Variants in PLEKHA7 observed in about 807,000 individuals in gnomAD.
PLEKHA7 encodes the protein pleckstrin homology domain-containing family A member 7.
A neutral mutation model predicts 170.0 loss-of-function variants in PLEKHA7; 104 were observed. That is an observed-to-expected ratio of 0.61 (90% CI 0.52 to 0.72). The LOEUF is 0.72. Among genes scored for constraint, PLEKHA7 ranks in the 30% least tolerant of loss-of-function variants. The probability of loss-of-function intolerance (pLI) is 0.00; values close to 1 mark genes in which losing one functional copy is unlikely to be tolerated. For missense variants in PLEKHA7, 1,615 were observed against 1,671.7 expected, an observed-to-expected ratio of 0.97 and a Z score of 0.59; for synonymous variants, 648 against 660.8, an observed-to-expected ratio of 0.98 and a Z score of 0.30.
intron 3 of PLEKHA7, among the ~76,000 whole-genome samples, chr11:16,988,870 T>C (rs1282446722): frequency 6.6e-6 from 1 of 152,244 alleles, no homozygotes; most frequent in Non-Finnish European, 1.5e-5. Flanking sequence ...ATGAGACTCT[T>C]CTATGTGGCA....
At chr11:16,989,020 CA>C (rs1863888805) in intron 3 of PLEKHA7, among the ~76,000 whole-genome samples, 1 of 152,198 alleles carries the variant, frequency 6.6e-6, no homozygotes, top group South Asian at 2.1e-4. Context: ...AGAAGGACCC[CA>C]AATAGCCACA....
chr11:16,822,611 C>T (rs938914595), intron 10 of PLEKHA7, among the ~76,000 whole-genome samples: 5 of 151,998 alleles, frequency 3.3e-5, no homozygotes, highest in Non-Finnish European at 7.4e-5. Context: ...TGAAACTCTC[C>T]CCAACAAAAC....
chr11:16,783,749 C>T lies in PLEKHA7; in HGVS notation c.3601G>A (p.Ala1201Thr). Residue 1201 changes from alanine to threonine, a missense_variant, in exon 25 of 27, where the codon GCG becomes ACG. Transcript: ENST00000531066. ...EEPPSLEELQ[A>T]RYRKAEKIRN... The stretch of plus-strand genomic sequence containing the variant: ...ATCTTCTCGGCTTTGCGGTACCGCG[C>T]CTGCAGCTCCTCAAGGCTGGGTGGC... 1 of 1,508,402 alleles carries T rather than the reference C, an allele frequency of 6.6e-7. No homozygotes were observed. The highest frequency in any genetic ancestry group is 8.8e-7 in the Non-Finnish European group (1 of 1,133,564). The allele number at this position is 1,508,402 out of a possible 1,614,324, so 93.4% of individuals were successfully genotyped here.
intron 19 of PLEKHA7, 31 bp downstream of exon 19, chr11:16,794,457 T>C: frequency 6.4e-7 from 1 of 1,573,652 alleles, no homozygotes; most frequent in East Asian, 2.2e-5. Context: ...GAGGAAACAA[T>C]GGCATTCAGC....
At chr11:16,898,860 T>C (rs1476075220) in intron 3 of PLEKHA7, among the ~76,000 whole-genome samples, 1 of 152,186 alleles carries the variant, frequency 6.6e-6, no homozygotes, top group East Asian at 1.9e-4. Flanking sequence ...TCCAAACCTA[T>C]GCTGATCACT....
chr11:16,895,404 T>C (rs1856936074), intron 3 of PLEKHA7, among the ~76,000 whole-genome samples: 1 of 152,188 alleles, frequency 6.6e-6, no homozygotes, highest in Admixed American at 6.5e-5. Context: ...CATCCACCTC[T>C]TCAGAGCACT....
chr11:16,850,032 T>C (rs370096627), intron 8 of PLEKHA7, among the ~76,000 whole-genome samples: 19 of 152,280 alleles, frequency 1.2e-4, no homozygotes, highest in South Asian at 1.0e-3. Context: ...AAGGTGTTGA[T>C]AGAGACTCTC....
intron 26 of PLEKHA7, chr11:16,781,031 G>A (rs1011755196): frequency 6.4e-5 from 63 of 985,976 alleles, no homozygotes; most frequent in Admixed American, 1.2e-4. Context: ...GCCTTTAGGC[G>A]GGAGGAGGGC....
intron 3 of PLEKHA7, among the ~76,000 whole-genome samples, chr11:16,988,112 CCT>C (rs1432139615): frequency 1.3e-5 from 2 of 152,248 alleles, no homozygotes; most frequent in Non-Finnish European, 2.9e-5. Context: ...GATGTGATCC[CCT>C]TTCACAGAGA....
At chr11:16,801,562 G>A in intron 16 of PLEKHA7, 106 bp downstream of exon 16, 1 of 1,388,794 alleles carries the variant, frequency 7.2e-7, no homozygotes, top group Admixed American at 2.0e-5. Context: ...TGCTATTTCA[G>A]GACTCTTGCC....
At chr11:17,007,143 G>A (rs1438016047) in intron 3 of PLEKHA7, among the ~76,000 whole-genome samples, 1 of 152,208 alleles carries the variant, frequency 6.6e-6, no homozygotes, top group Non-Finnish European at 1.5e-5. Flanking sequence ...CATGGATACA[G>A]GTGCTTGTGC....
chr11:16,787,190 C>T (rs1234166685), intron 23 of PLEKHA7: 22 of 985,284 alleles, frequency 2.2e-5, no homozygotes, highest in Non-Finnish European at 2.5e-5. Flanking sequence ...GGCCTTTGAC[C>T]GCTGAGCAGG....
Position 16,826,585 on chromosome 11 carries a change from A to C in PLEKHA7, c.878T>G (p.Met293Arg), listed in dbSNP as rs774411911. 1 of 1,611,648 alleles carries C rather than the reference A, an allele frequency of 6.2e-7. No individual in the cohort carries two copies. Among genetic ancestry groups the C allele is most frequent in the East Asian group, 2.2e-5 (1 of 44,880 alleles). ...VLSRSSLKRD[M>R]EKVERQAVPQ... ...GACAGCCTGCCGCTCCACCTTCTCC[A>C]TATCCCTGCAATGACAGCAGCACAT... Residue 293 changes from methionine (M) to arginine (R), a missense_variant, in exon 10 of 27, where the codon ATG becomes AGG. Coordinates refer to ENST00000531066, the MANE Select transcript of PLEKHA7 (RefSeq NM_001329630.2).
chr11:16,878,100 T>A (rs1855442343), intron 3 of PLEKHA7, among the ~76,000 whole-genome samples: 1 of 152,216 alleles, frequency 6.6e-6, no homozygotes, highest in African/African-American at 2.4e-5. Flanking sequence ...CTTGGAATCA[T>A]CCTTTACTCC....
chr11:16,814,972 C>T (rs1849640199), intron 12 of PLEKHA7, among the ~76,000 whole-genome samples: 1 of 152,240 alleles, frequency 6.6e-6, no homozygotes, highest in African/African-American at 2.4e-5. Flanking sequence ...CCCTACACCA[C>T]ATGCAGCCCC....
chr11:16,908,324 C>T (rs1010933121), intron 3 of PLEKHA7, among the ~76,000 whole-genome samples: 2 of 150,016 alleles, frequency 1.3e-5, no homozygotes, highest in African/African-American at 4.9e-5. Flanking sequence ...GGATCCTCAT[C>T]CAATATGACT....
chr11:16,950,763 CCAAA>C (rs1162842616), intron 3 of PLEKHA7, among the ~76,000 whole-genome samples: 1 of 149,374 alleles, frequency 6.7e-6, no homozygotes, highest in Non-Finnish European at 1.5e-5. Context: ...ACAGCTTTTT[CCAAA>C]CATTTTCCCA....
chr11:16,949,570 T>C (rs992284450), intron 3 of PLEKHA7, among the ~76,000 whole-genome samples: 18 of 152,218 alleles, frequency 1.2e-4, no homozygotes, highest in Admixed American at 1.2e-3. Flanking sequence ...AGAACACTGC[T>C]AAGCAATTAA....
intron 20 of PLEKHA7, 21 bp downstream of exon 20, chr11:16,790,990 G>C: frequency 6.2e-7 from 1 of 1,613,884 alleles, no homozygotes; most frequent in Non-Finnish European, 8.5e-7. Context: ...TAGAGTGGCA[G>C]CCCCAGGGTC....
Sources: gnomAD v4.1 joint callset for allele counts (sites outside exome capture counted in the v4.1 genomes callset) on GRCh38, gnomAD v4.1.1 for gene constraint, MANE v1.5 for transcripts, NCBI Gene and HGNC (gene_info 2026-07-23, HGNC 2026-07-21) for gene names.